ADAMTSL1: variants seen among roughly 807,000 people sequenced by gnomAD.
ADAMTSL1 encodes the protein ADAMTS-like protein 1.
ADAMTSL1 carries 126 observed loss-of-function variants against 201.8 expected under a neutral mutation model. That is an observed-to-expected ratio of 0.62 (90% CI 0.54 to 0.72). The LOEUF (loss-of-function observed/expected upper bound fraction) is 0.72, where lower values mean the gene tolerates loss of function less well. ADAMTSL1 is among the 30% of genes least tolerant of loss of function. ADAMTSL1 has a pLI of 0.00. For synonymous variants in ADAMTSL1, 1,121 were observed against 903.4 expected, an observed-to-expected ratio of 1.24 and a Z score of -4.32; for missense variants, 2,679 against 2,277.8, an observed-to-expected ratio of 1.18 and a Z score of -3.59.
At position 18,327,087 on chromosome 9, in the gene ADAMTSL1, A is replaced by T. The variant is rs148188446; in HGVS notation, c.207+163106A>T. Among the ~76,000 whole-genome samples the T allele has an allele frequency of 4.1e-3, 619 of 152,318 alleles. 3 individuals carry two copies. The highest frequency in any genetic ancestry group is 6.8e-3 in the Middle Eastern group (2 of 294). On this transcript the variant is annotated intron_variant, in intron 2 of 29. Coordinates refer to the ADAMTSL1 transcript ENST00000680146. ...AAAATTTAGCGAAAGCTGATAAAAA[A>T]ATTTTCAAATTACTGGTACTCTCCT...
chr9:18,799,405 C>T (rs924745135), intron 20 of ADAMTSL1, among the ~76,000 whole-genome samples: 5 of 152,160 alleles, frequency 3.3e-5, no homozygotes, highest in African/African-American at 1.2e-4. Context: ...TCCGAATGGC[C>T]TAGGCAAACT....
At position 18,897,253 on chromosome 9, in the gene ADAMTSL1, G is replaced by A. The variant is rs561631065; in HGVS notation, c.4851+4657G>A. ...GACAGAGCCCCCGGGGGAAGGGGCAGTGAGTCTCTGCCCTTGAGTTACTCA... is the reference window on the plus strand; with the variant it reads ...GACAGAGCCCCCGGGGGAAGGGGCAATGAGTCTCTGCCCTTGAGTTACTCA... On this transcript the variant is annotated intron_variant, in intron 26 of 28. Coordinates refer to ENST00000380548, the MANE Select transcript of ADAMTSL1 (RefSeq NM_001040272.6). Among the ~76,000 whole-genome samples, 3 of 152,360 alleles carry A rather than the reference G, an allele frequency of 2.0e-5. No individual in the cohort carries two copies. The South Asian group carries it at 6.2e-4, about 32-fold the overall frequency.
At chr9:18,541,508 C>G (rs1031835761) in intron 3 of ADAMTSL1, among the ~76,000 whole-genome samples, 3 of 147,188 alleles carry the variant, frequency 2.0e-5, no homozygotes, top group African/African-American at 5.0e-5. Context: ...AAAACTCCAT[C>G]TCAAAGAAAA....
At chr9:18,484,064 T>G (rs2131822052) in intron 1 of ADAMTSL1, among the ~76,000 whole-genome samples, 1 of 152,352 alleles carries the variant, frequency 6.6e-6, no homozygotes, top group African/African-American at 2.4e-5. Flanking sequence ...AGCACGTCTC[T>G]GAGAAGTGCT....
At chr9:17,946,227 G>A (rs933461047) in intron 1 of ADAMTSL1, among the ~76,000 whole-genome samples, 10 of 151,440 alleles carry the variant, frequency 6.6e-5, no homozygotes, top group East Asian at 2.0e-4. Context: ...TCAAACTCCC[G>A]GGCTCAAGTG....
At chr9:18,807,656 A>C (rs1481264041) in intron 20 of ADAMTSL1, among the ~76,000 whole-genome samples, 4 of 88,412 alleles carry the variant, frequency 4.5e-5, no homozygotes, top group Admixed American at 1.1e-4. Flanking sequence ...AAAAAAAAAA[A>C]AACAAAAAAA....
At chr9:18,320,295 C>G (rs1834567695) in intron 2 of ADAMTSL1, among the ~76,000 whole-genome samples, 1 of 152,150 alleles carries the variant, frequency 6.6e-6, no homozygotes, top group Non-Finnish European at 1.5e-5. Flanking sequence ...TGTTTTAAGC[C>G]ACTAAGTTTG....
intron 22 of ADAMTSL1, among the ~76,000 whole-genome samples, chr9:18,827,553 G>T (rs1338606083): frequency 6.6e-6 from 1 of 152,194 alleles, no homozygotes; most frequent in Non-Finnish European, 1.5e-5. Flanking sequence ...TTTGCGCTGG[G>T]TTTCATCCAG....
chr9:18,301,479 T>C (rs566822021), intron 2 of ADAMTSL1, among the ~76,000 whole-genome samples: 1 of 152,300 alleles, frequency 6.6e-6, no homozygotes, highest in East Asian at 1.9e-4. Context: ...TTTTCCCACT[T>C]TTACATGCCT....
intron 2 of ADAMTSL1, among the ~76,000 whole-genome samples, chr9:18,188,644 G>A (rs938840147): frequency 1.3e-5 from 2 of 152,116 alleles, no homozygotes; most frequent in East Asian, 3.9e-4. Flanking sequence ...TATTGACAAA[G>A]CTACTTGAAT....
chr9:18,683,010 A>G (rs1830599995), intron 12 of ADAMTSL1, among the ~76,000 whole-genome samples: 1 of 152,236 alleles, frequency 6.6e-6, no homozygotes, highest in South Asian at 2.1e-4. Flanking sequence ...CCTGCAATAT[A>G]GTAACTTCTA....
intron 8 of ADAMTSL1, among the ~76,000 whole-genome samples, chr9:18,660,071 T>C (rs1828976651): frequency 6.6e-6 from 1 of 152,166 alleles, no homozygotes; most frequent in Non-Finnish European, 1.5e-5. Flanking sequence ...ATCTTACTTC[T>C]TTGGGCCTCA....
rs913562762 is a variant in ADAMTSL1 at position 18,854,039 on chromosome 9, A to C, written c.4249+24062A>C. ...GTAATCTTTCACCTTTTCATGTGCC[A>C]CATCCTGCTATGTTTTAGAAAAGTT... On this transcript the variant is annotated intron_variant, in intron 23 of 28. Transcript: ENST00000380548. Among the ~76,000 whole-genome samples the C allele has an allele frequency of 3.3e-5, 5 of 152,262 alleles. No homozygotes were observed. The South Asian group carries it at 1.0e-3, about 32-fold the overall frequency.
intron 7 of ADAMTSL1, chr9:18,651,089 C>G (rs547947016): frequency 6.6e-6 from 1 of 152,166 alleles, no homozygotes; most frequent in Non-Finnish European, 1.5e-5. Flanking sequence ...GAGAGGCTGC[C>G]GCATTTACCA....
intron 1 of ADAMTSL1, among the ~76,000 whole-genome samples, chr9:18,018,028 C>G (rs547310503): frequency 2.0e-5 from 3 of 152,048 alleles, no homozygotes; most frequent in Admixed American, 6.6e-5. Flanking sequence ...CTAGTGACCT[C>G]TTTTGGTACA....
chr9:18,484,892 G>A (rs1821907812), intron 1 of ADAMTSL1, among the ~76,000 whole-genome samples: 2 of 152,136 alleles, frequency 1.3e-5, no homozygotes, highest in African/African-American at 4.8e-5. Flanking sequence ...AGGTAGGTAG[G>A]AGTTACGGAA....
intron 1 of ADAMTSL1, among the ~76,000 whole-genome samples, chr9:18,031,928 T>C (rs1330092356): frequency 6.6e-6 from 1 of 152,122 alleles, no homozygotes; most frequent in East Asian, 1.9e-4. Flanking sequence ...AGTGGTGCCA[T>C]AGATGTGAAA....
intron 23 of ADAMTSL1, among the ~76,000 whole-genome samples, chr9:18,859,085 TA>T (rs1827043734): frequency 6.6e-6 from 1 of 152,244 alleles, no homozygotes; most frequent in African/African-American, 2.4e-5. Context: ...AAATCTGTAT[TA>T]ACTTGATTGC....
chr9:18,809,076 T>G (rs1445273911), intron 20 of ADAMTSL1, among the ~76,000 whole-genome samples: 1 of 152,242 alleles, frequency 6.6e-6, no homozygotes, highest in African/African-American at 2.4e-5. Context: ...AGATGTGATC[T>G]CTGATGTTAT....
Sources: gnomAD v4.1 joint callset for allele counts (sites outside exome capture counted in the v4.1 genomes callset) on GRCh38, gnomAD v4.1.1 for gene constraint, MANE v1.5 for transcripts, NCBI Gene and HGNC (gene_info 2026-07-23, HGNC 2026-07-21) for gene names.